TRIM24: variants seen among roughly 807,000 people sequenced by gnomAD.
The protein encoded by TRIM24 is transcription intermediary factor 1-alpha.
TRIM24 carries 29 observed loss-of-function variants against 123.9 expected under a neutral mutation model. The observed-to-expected ratio is 0.23, with a 90% CI of 0.17 to 0.32. The LOEUF (loss-of-function observed/expected upper bound fraction) is 0.32. Ranked by LOEUF, TRIM24 falls within the 10% of genes least tolerant of loss-of-function variation. The pLI, the probability that TRIM24 is intolerant of heterozygous loss-of-function variation, is 1.00. For synonymous variants in TRIM24, 456 were observed against 461.1 expected, an observed-to-expected ratio of 0.99 and a Z score of 0.14; for missense variants, 932 against 1,295.3, an observed-to-expected ratio of 0.72 and a Z score of 4.31.
At chr7:138,481,639 T>TACAAACAA (rs923319681) in intron 1 of TRIM24, among the ~76,000 whole-genome samples, 1 of 151,750 alleles carries the variant, frequency 6.6e-6, no homozygotes, top group African/African-American at 2.4e-5. Flanking sequence ...CTTATCTCAA[T>TACAAACAA]ACAAACAAAC....
intron 1 of TRIM24, among the ~76,000 whole-genome samples, chr7:138,480,756 A>G (rs1795508421): frequency 6.6e-6 from 1 of 152,060 alleles, no homozygotes; most frequent in South Asian, 2.1e-4. Context: ...GTTGGCTCAG[A>G]TGTAGATGTT....
intron 14 of TRIM24, among the ~76,000 whole-genome samples, chr7:138,578,343 G>A (rs1797810240): frequency 6.6e-6 from 1 of 152,104 alleles, no homozygotes; most frequent in South Asian, 2.1e-4. Flanking sequence ...ATGCAATCAG[G>A]ATATAACCTG....
At position 138,460,693 on chromosome 7, in the gene TRIM24, C is replaced by G. The variant is rs1207796958; in HGVS notation, c.145C>G (p.Arg49Gly). ...CTCGGAGCGCGGCGGCGAGGCGGCCCGGCTCAACCTGTTGGACACTTGCGC... is the reference window on the plus strand; with the variant it reads ...CTCGGAGCGCGGCGGCGAGGCGGCCGGGCTCAACCTGTTGGACACTTGCGC... ...PDSERGGEAA[R>G]LNLLDTCAVC... Residue 49 changes from arginine (R) to glycine (G), a missense_variant, in exon 1 of 19, where the codon CGG (arginine) becomes GGG (glycine). Physicochemically the swap from Arg to Gly is moderately radical, Grantham distance 125. Transcript: ENST00000343526. 4 of 1,544,642 alleles carry G rather than the reference C, an allele frequency of 2.6e-6. No individual in the cohort carries two copies. In the East Asian group the frequency reaches 1.1e-4, roughly 42 times the overall value.
At chr7:138,529,306 T>G (rs867612135) in intron 6 of TRIM24, 76 bp downstream of exon 6, 11 of 752,340 alleles carry the variant, frequency 1.5e-5, no homozygotes, top group Non-Finnish European at 2.2e-5. Context: ...GAAATCATAG[T>G]GCTTTTTATA....
intron 6 of TRIM24, among the ~76,000 whole-genome samples, chr7:138,537,905 CCTGT>C (rs1796927224): frequency 6.6e-6 from 1 of 152,116 alleles, no homozygotes. Context: ...AGCAGAAAGT[CCTGT>C]TTTCCTCCTT....
chr7:138,563,241 A>G (rs1045571988), intron 9 of TRIM24, among the ~76,000 whole-genome samples: 5 of 152,152 alleles, frequency 3.3e-5, no homozygotes, highest in African/African-American at 7.2e-5. Flanking sequence ...TCAGGTCGGT[A>G]TCTGGTTCCT....
In TRIM24 at chr7:138,554,277, A is replaced by G. The variant is rs1017355845; in HGVS notation, c.1262-421A>G. 8.5e-5 allele frequency among the ~76,000 whole-genome samples: 13 copies of G among 152,202 alleles called. No homozygotes were observed. The highest frequency in any genetic ancestry group is 1.8e-4 in the Non-Finnish European group (12 of 68,046). On this transcript the variant is annotated intron_variant, in intron 8 of 18. Transcript: ENST00000343526. The surrounding 1 kb of genome is among the most constrained non-coding windows in gnomAD (Gnocchi z 4.5). ...ATACAGTGAGACTGAAATTTTTTTC[A>G]TATATTTTAACTTAACAATATATTA...
intron 6 of TRIM24, among the ~76,000 whole-genome samples, chr7:138,534,324 C>A (rs1796817245): frequency 6.6e-6 from 1 of 152,192 alleles, no homozygotes; most frequent in African/African-American, 2.4e-5. Context: ...AATTTTAGAT[C>A]TTTCCTGCTT....
intron 7 of TRIM24, among the ~76,000 whole-genome samples, chr7:138,545,919 CAT>C (rs1221290839): frequency 6.6e-6 from 1 of 151,962 alleles, no homozygotes; most frequent in Non-Finnish European, 1.5e-5. Context: ...GAATTCATAA[CAT>C]AAATCAGTAA....
At chr7:138,538,263 A>G (rs1796934530) in intron 6 of TRIM24, among the ~76,000 whole-genome samples, 1 of 152,234 alleles carries the variant, frequency 6.6e-6, no homozygotes, top group Non-Finnish European at 1.5e-5. Context: ...AAAAGGTGAA[A>G]TCATATGATT....
At chr7:138,514,431 C>A (rs1796354121) in intron 2 of TRIM24, 1 of 151,880 alleles carries the variant, frequency 6.6e-6, no homozygotes, top group East Asian at 1.9e-4. Context: ...TTAATCTGGC[C>A]CCTGTCTCTT....
intron 1 of TRIM24, among the ~76,000 whole-genome samples, chr7:138,501,112 T>G (rs1796029254): frequency 6.6e-6 from 1 of 152,154 alleles, no homozygotes; most frequent in Non-Finnish European, 1.5e-5. Context: ...GACTGGCAGC[T>G]CAGTAGGCTT....
chr7:138,495,504 C>G (rs931219498), intron 1 of TRIM24, among the ~76,000 whole-genome samples: 2 of 152,086 alleles, frequency 1.3e-5, no homozygotes, highest in African/African-American at 2.4e-5. Flanking sequence ...CAAAAGTAGG[C>G]TAACAGGCCT....
At chr7:138,497,330 A>G (rs1365000904) in intron 1 of TRIM24, among the ~76,000 whole-genome samples, 1 of 151,540 alleles carries the variant, frequency 6.6e-6, no homozygotes, top group East Asian at 1.9e-4. Flanking sequence ...GGCCTTCCAA[A>G]GTGCCAGTAT....
At position 138,567,488 on chromosome 7, in the gene TRIM24, C is replaced by T; in HGVS notation, c.1538C>T (p.Pro513Leu). ...QQPSISHQQPPPRLINFQNHS... is the reference protein window; with the variant it reads ...QQPSISHQQPLPRLINFQNHS... ...TTAATTTCTTTTTTCTAGCAACCGC[C>T]TCCACGTTTGATAAACTTTCAGAAT... Residue 513 changes from proline to leucine, a missense_variant, in exon 10 of 19, where the codon CCT (proline) becomes CTT (leucine). Transcript: ENST00000343526. The T allele has an allele frequency of 6.2e-7, 1 of 1,604,398 alleles. No individual in the cohort carries two copies. Among genetic ancestry groups the T allele is most frequent in the Non-Finnish European group, 8.5e-7 (1 of 1,176,640 alleles).
Position 138,483,071 on chromosome 7 carries a change from C to T in TRIM24, c.365-21219C>T, listed in dbSNP as rs1407441486. 2.6e-5 allele frequency among the ~76,000 whole-genome samples: 4 copies of T among 152,012 alleles called. No homozygotes were observed. In the East Asian group the frequency reaches 5.8e-4, roughly 22 times the overall value. ...TAGCTGGGACTACAGGCATGTACCA[C>T]CATGCTCAGCTAATTTTTCCTCATT... On this transcript the variant is annotated intron_variant, in intron 1 of 18. Coordinates refer to ENST00000343526, the MANE Select transcript of TRIM24 (RefSeq NM_015905.3).
At chr7:138,543,236 A>G (rs920652343) in intron 7 of TRIM24, among the ~76,000 whole-genome samples, 1 of 152,264 alleles carries the variant, frequency 6.6e-6, no homozygotes, top group African/African-American at 2.4e-5. Flanking sequence ...ATAGTCATCT[A>G]TATGATACAT....
At chr7:138,560,947 CA>C (rs1797414420) in intron 9 of TRIM24, among the ~76,000 whole-genome samples, 1 of 152,186 alleles carries the variant, frequency 6.6e-6, no homozygotes, top group Non-Finnish European at 1.5e-5. Context: ...GATGCCTTTG[CA>C]GTGCATAACA....
At chr7:138,557,470 G>C (rs1797338568) in intron 9 of TRIM24, among the ~76,000 whole-genome samples, 1 of 152,166 alleles carries the variant, frequency 6.6e-6, no homozygotes, top group South Asian at 2.1e-4. Context: ...TTTTTAACAA[G>C]GAGGGGTAAG....
Sources: allele counts gnomAD v4.1 joint callset (sites outside exome capture counted in the v4.1 genomes callset), GRCh38; gene constraint gnomAD v4.1.1; non-coding constraint Gnocchi (gnomAD v3.1); transcripts MANE v1.5; gene names NCBI Gene and HGNC (gene_info 2026-07-23, HGNC 2026-07-21).